IFI30: variants seen among roughly 807,000 people sequenced by gnomAD.
The protein encoded by IFI30 is gamma-interferon-inducible lysosomal thiol reductase.
Under a neutral mutation model 30.1 loss-of-function variants are expected in IFI30, and 26 were observed. The ratio of observed to expected loss-of-function variants is 0.87; its 90% CI spans 0.63 to 1.20. The LOEUF (loss-of-function observed/expected upper bound fraction) is 1.20, where lower values mean the gene tolerates loss of function less well. Among genes scored for constraint, IFI30 ranks in the 50% most tolerant of loss-of-function variants. The probability of loss-of-function intolerance (pLI) is 0.00; values close to 1 mark genes in which losing one functional copy is unlikely to be tolerated. For missense variants in IFI30, 296 were observed against 312.5 expected, an observed-to-expected ratio of 0.95 and a Z score of 0.40; for synonymous variants, 149 against 134.5, an observed-to-expected ratio of 1.11 and a Z score of -0.75.
Position 18,177,267 on chromosome 19 carries a change from A to G in IFI30, c.611A>G (p.Tyr204Cys), listed in dbSNP as rs544607095. Residue 204 changes from tyrosine (Y) to cysteine (C), a missense_variant, in exon 5 of 7, where the codon TAT (tyrosine) becomes TGT (cysteine). Transcript: ENST00000407280. ...RTDALQPPHE[Y>C]VPWVTVNGKP... The stretch of plus-strand genomic sequence containing the variant: ...GATGCTCTCCAGCCACCACACGAGT[A>G]TGTGCCCTGGGTCACCGTCAATGGG... 1.9e-6 allele frequency: 3 copies of G among 1,586,828 alleles called. No homozygotes were observed. In the South Asian group the frequency reaches 3.5e-5, roughly 18 times the overall value.
In IFI30 at chr19:18,178,037, C is replaced by T; in HGVS notation, c.*126C>T. On this transcript the variant is annotated 3_prime_UTR_variant, in exon 7 of 7. Coordinates refer to ENST00000407280, the MANE Select transcript of IFI30 (RefSeq NM_006332.5). Reference sequence around the variant, plus strand: ...GAAAATTTTATGCATCCCATGAAGCCCAGATACACAAAATTCCACCCCATG... The same window carrying T: ...GAAAATTTTATGCATCCCATGAAGCTCAGATACACAAAATTCCACCCCATG... The T allele has an allele frequency of 1.1e-6, 1 of 882,986 alleles. No homozygotes were observed. The highest frequency in any genetic ancestry group is 1.8e-6 in the Non-Finnish European group (1 of 553,944). The allele number at this position is 882,986 out of a possible 1,614,324, so 54.7% of individuals were successfully genotyped here.
At chr19:18,177,014 C>A in intron 4 of IFI30, 126 bp from the exon 5 acceptor site, 1 of 1,005,958 alleles carries the variant, frequency 9.9e-7, no homozygotes, top group Non-Finnish European at 1.4e-6. Context: ...GGCTTTGTCG[C>A]ATCACTGTGA....
chr19:18,177,215 C>A lies in IFI30; in HGVS notation c.559C>A (p.Leu187Ile). Residue 187 changes from leucine (L) to isoleucine (I), a missense_variant, in exon 5 of 7, where the codon CTC (leucine) becomes ATC (isoleucine). Coordinates refer to ENST00000407280, the MANE Select transcript of IFI30 (RefSeq NM_006332.5). ...ECAMGDRGMQLMHANAQRTDA... is the reference protein window; with the variant it reads ...ECAMGDRGMQIMHANAQRTDA... ...TGCAATGGGGGACCGCGGCATGCAG[C>A]TCATGCACGCCAACGCCCAGCGGAC... 1 of 1,588,568 alleles carries A rather than the reference C, an allele frequency of 6.3e-7. No homozygotes were observed. The highest frequency in any genetic ancestry group is 8.6e-7 in the Non-Finnish European group (1 of 1,167,782).
Position 18,177,284 on chromosome 19 carries a change from G to A in IFI30, c.628G>A (p.Val210Ile), listed in dbSNP as rs533404165. Residue 210 changes from valine to isoleucine, a missense_variant, in exon 5 of 7, where the codon GTC (valine) becomes ATC (isoleucine). Transcript: ENST00000407280. ...ACACGAGTATGTGCCCTGGGTCACC[G>A]TCAATGGGGTAAGAATCTTTTTAGC... ...PPHEYVPWVT[V>I]NGKPLEDQTQ... is the part of the protein sequence containing the mutation. The A allele has an allele frequency of 1.1e-4, 179 of 1,582,044 alleles. 3 individuals carry two copies. The South Asian group carries it at 1.9e-3, about 17-fold the overall frequency.
intron 5 of IFI30, 134 bp from the exon 6 acceptor site, chr19:18,177,576 GA>G: frequency 9.6e-7 from 1 of 1,046,550 alleles, no homozygotes; most frequent in African/African-American, 1.6e-5. Flanking sequence ...CATTGGGAAA[GA>G]TGTGCCACTG....
intron 5 of IFI30, 146 bp from the exon 6 acceptor site, chr19:18,177,565 C>T (rs1462385542): frequency 9.4e-6 from 9 of 961,386 alleles, no homozygotes; most frequent in Admixed American, 2.0e-5. Flanking sequence ...CTAGCCACCC[C>T]CATTGGGAAA....
chr19:18,177,098 G>A (rs557190713), intron 4 of IFI30, 42 bp from the exon 5 acceptor site: 12 of 1,500,492 alleles, frequency 8.0e-6, no homozygotes, highest in South Asian at 1.3e-5. Flanking sequence ...TTGAGATAAC[G>A]GGGAGGAAGC....
At chr19:18,176,000 G>A (rs994235902) in intron 4 of IFI30, among the ~76,000 whole-genome samples, 2 of 151,972 alleles carry the variant, frequency 1.3e-5, no homozygotes, top group Non-Finnish European at 2.9e-5. Context: ...GTGCCACCAT[G>A]CCCAGCTAAT....
At chr19:18,177,040 C>A in intron 4 of IFI30, 100 bp from the exon 5 acceptor site, 1 of 1,271,776 alleles carries the variant, frequency 7.9e-7, no homozygotes, top group Non-Finnish European at 1.1e-6. Context: ...ACTGTACCCT[C>A]TTCTCAGTGA....
intron 4 of IFI30, among the ~76,000 whole-genome samples, chr19:18,176,141 CTTTTTTTTT>C (rs71336666): frequency 4.8e-3 from 270 of 56,442 alleles, no homozygotes; most frequent in African/African-American, 0.019. Context: ...GCACCCAGCC[CTTTTTTTTT>C]TTTTTTTTTT....
intron 5 of IFI30, 60 bp from the exon 6 acceptor site, chr19:18,177,651 C>G: frequency 1.3e-6 from 2 of 1,590,168 alleles, no homozygotes; most frequent in Non-Finnish European, 8.6e-7. Flanking sequence ...GGGCTGGAAC[C>G]AGGGTGCATG....
chr19:18,174,664 G>T (rs1463590473), intron 1 of IFI30: 1 of 187,326 alleles, frequency 5.3e-6, no homozygotes, highest in Non-Finnish European at 1.1e-5. Context: ...ACGAGGTCAG[G>T]AGTTCGAGAC....
At chr19:18,176,797 A>G (rs929984867) in intron 4 of IFI30, among the ~76,000 whole-genome samples, 1 of 152,148 alleles carries the variant, frequency 6.6e-6, no homozygotes, top group African/African-American at 2.4e-5. Context: ...GAGGGCACTG[A>G]GGAGACACTG....
chr19:18,176,491 G>T (rs1030276837), intron 4 of IFI30, among the ~76,000 whole-genome samples: 3 of 152,252 alleles, frequency 2.0e-5, no homozygotes, highest in Middle Eastern at 3.4e-3. Flanking sequence ...TCAGGGGAAT[G>T]AATGCAGGTC....
rs561622114 is a variant in IFI30, at chr19:18,176,885, G to T, written c.484-255G>T. The stretch of plus-strand genomic sequence containing the variant: ...CCTGAGTAAAGTGAGATACTATGGG[G>T]GTCAGAGGCAGTGGGTCTGGTCTTA... On this transcript the variant is annotated intron_variant, in intron 4 of 6. Coordinates refer to ENST00000407280, the MANE Select transcript of IFI30 (RefSeq NM_006332.5). 9.9e-5 allele frequency among the ~76,000 whole-genome samples: 15 copies of T among 152,264 alleles called. No individual in the cohort carries two copies. In the South Asian group the frequency reaches 3.1e-3, roughly 32 times the overall value.
At chr19:18,176,141 C>G (rs1269725284) in intron 4 of IFI30, among the ~76,000 whole-genome samples, 2 of 56,448 alleles carry the variant, frequency 3.5e-5, no homozygotes, top group Non-Finnish European at 6.5e-5. Flanking sequence ...GCACCCAGCC[C>G]TTTTTTTTTT....
Position 18,177,671 on chromosome 19 carries a change from AGCT to A in IFI30, c.637-35_637-33del, listed in dbSNP as rs369094218. 220 of 1,608,458 alleles carry A rather than the reference AGCT, an allele frequency of 1.4e-4. 2 individuals are homozygous for A. In the East Asian group the frequency reaches 4.6e-3, roughly 34 times the overall value. On this transcript the variant is annotated intron_variant, in intron 5 of 6. Transcript: ENST00000407280. The stretch of plus-strand genomic sequence containing the variant: ...GGAACCAGGGTGCATGGGTTGGGGT[AGCT>A]GCTGGGAATATGCGACCCCTGTCTT...
In IFI30 at chr19:18,177,917, G is replaced by A. The variant is rs551748369; in HGVS notation, c.*6G>A. On this transcript the variant is annotated 3_prime_UTR_variant, in exon 7 of 7. Coordinates refer to ENST00000407280, the MANE Select transcript of IFI30 (RefSeq NM_006332.5). ...GGAGTGTTTGCTTCAAGTGATGGCC[G>A]GTGAGCTGCGGAGAGCTCATGGAAG... 2.4e-5 allele frequency: 38 copies of A among 1,580,976 alleles called. No homozygotes were observed. The highest frequency in any genetic ancestry group is 2.0e-4 in the African/African-American group (15 of 74,178).
In IFI30 at chr19:18,177,989, C is replaced by T. The variant is rs566703314; in HGVS notation, c.*78C>T. On this transcript the variant is annotated 3_prime_UTR_variant, in exon 7 of 7. Transcript: ENST00000407280. ...TGCCTTTTTTTCTGATCCAGACCCTCGGCACCTGCTACTTACCAACTGGAA... is the reference window on the plus strand; with the variant it reads ...TGCCTTTTTTTCTGATCCAGACCCTTGGCACCTGCTACTTACCAACTGGAA... The T allele has an allele frequency of 1.9e-5, 27 of 1,442,974 alleles. No homozygotes were observed. The East Asian group carries it at 3.2e-4, about 17-fold the overall frequency. 89.4% of individuals were successfully genotyped at this position (1,442,974 alleles called of 1,614,324 possible). A position where few individuals can be genotyped will look rare whatever the true frequency, so the allele number is the denominator to read the frequency against.
Sources: gnomAD v4.1 joint callset for allele counts (sites outside exome capture counted in the v4.1 genomes callset) on GRCh38, gnomAD v4.1.1 for gene constraint, MANE v1.5 for transcripts, NCBI Gene and HGNC (gene_info 2026-07-23, HGNC 2026-07-21) for gene names.